OSBPL11: variants seen among roughly 807,000 people sequenced by gnomAD.
OSBPL11 encodes the protein oxysterol-binding protein-related protein 11.
Under a neutral mutation model 84.4 loss-of-function variants are expected in OSBPL11, and 33 were observed. The ratio of observed to expected loss-of-function variants is 0.39; its 90% CI spans 0.30 to 0.52. The LOEUF (loss-of-function observed/expected upper bound fraction) is 0.52. Among genes scored for constraint, OSBPL11 ranks in the 20% least tolerant of loss-of-function variants. The pLI is 0.72. For synonymous variants in OSBPL11, 276 were observed against 310.2 expected (o/e 0.89, Z 1.16); for missense variants, 736 against 901.1 (o/e 0.82, Z 2.35).
Position 125,595,285 on chromosome 3 carries a change from C to T in OSBPL11, c.-485G>A, listed in dbSNP as rs1936666349. Among the ~76,000 whole-genome samples, 1 of 152,194 alleles carries T rather than the reference C, an allele frequency of 6.6e-6. No homozygotes were observed. The highest frequency in any genetic ancestry group is 2.1e-4 in the South Asian group (1 of 4,826). On this transcript the variant is annotated 5_prime_UTR_variant, in exon 1 of 13. Coordinates refer to ENST00000296220, the MANE Select transcript of OSBPL11 (RefSeq NM_022776.5). The stretch of plus-strand genomic sequence containing the variant: ...CGCTCGGCAGTTCCCGCCGCAGCCC[C>T]CGAGATACAGCCAGGGCCGGCGCGC...
At chr3:125,581,035 G>A (rs1037090047) in intron 2 of OSBPL11, among the ~76,000 whole-genome samples, 1 of 151,902 alleles carries the variant, frequency 6.6e-6, no homozygotes, top group Non-Finnish European at 1.5e-5. Context: ...ATTCTGATTT[G>A]GTTCTAGATT....
intron 8 of OSBPL11, among the ~76,000 whole-genome samples, chr3:125,553,315 G>T (rs9848230): frequency 0.13 from 20,156 of 152,072 alleles, 1,523 homozygotes; most frequent in African/African-American, 0.2. Context: ...TTAAATTGTA[G>T]ATGAATGACC....
intron 8 of OSBPL11, among the ~76,000 whole-genome samples, chr3:125,553,004 G>C (rs919011326): frequency 6.6e-6 from 1 of 151,930 alleles, no homozygotes; most frequent in Non-Finnish European, 1.5e-5. Context: ...TGTGGTCCCA[G>C]CTGCTCAGGA....
chr3:125,578,402 G>A (rs1171125079), intron 4 of OSBPL11, among the ~76,000 whole-genome samples: 2 of 152,078 alleles, frequency 1.3e-5, no homozygotes, highest in Admixed American at 6.6e-5. Flanking sequence ...AGTGGCTCCG[G>A]ATTTTTTATT....
At chr3:125,577,673 C>T (rs1047883005) in intron 4 of OSBPL11, among the ~76,000 whole-genome samples, 1 of 151,602 alleles carries the variant, frequency 6.6e-6, no homozygotes, top group African/African-American at 2.4e-5. Context: ...ACCAAAAATA[C>T]AAAAAATTAG....
chr3:125,589,726 T>C (rs1422245607), intron 1 of OSBPL11, among the ~76,000 whole-genome samples: 2 of 152,182 alleles, frequency 1.3e-5, no homozygotes, highest in African/African-American at 4.8e-5. Flanking sequence ...GCCAATCTCA[T>C]TTTCCCATCC....
chr3:125,564,444 G>A (rs1173046866), intron 6 of OSBPL11, among the ~76,000 whole-genome samples: 1 of 152,144 alleles, frequency 6.6e-6, no homozygotes, highest in Non-Finnish European at 1.5e-5. Flanking sequence ...GTCACATTTG[G>A]AGACCTGTCA....
chr3:125,533,568 T>C (rs983890579), intron 11 of OSBPL11, among the ~76,000 whole-genome samples: 1 of 152,162 alleles, frequency 6.6e-6, no homozygotes, highest in African/African-American at 2.4e-5. Context: ...AAAGGTTTCC[T>C]AACACATTTC....
At chr3:125,545,467 T>A (rs1213459090) in intron 10 of OSBPL11, among the ~76,000 whole-genome samples, 2 of 152,246 alleles carry the variant, frequency 1.3e-5, no homozygotes, top group African/African-American at 4.8e-5. Context: ...CTATTACATA[T>A]GAGTTTTTCC....
chr3:125,550,116 G>A (rs1935878021), intron 9 of OSBPL11, among the ~76,000 whole-genome samples: 1 of 152,144 alleles, frequency 6.6e-6, no homozygotes, highest in Admixed American at 6.6e-5. Context: ...GCTCACAACT[G>A]TAATCCCAGA....
chr3:125,563,793 T>C lies in OSBPL11; in HGVS notation c.919A>G (p.Lys307Glu). Residue 307 changes from lysine to glutamate, a missense_variant, in exon 7 of 13, where the codon AAA (lysine) becomes GAA (glutamate). Physicochemically the swap from Lys to Glu is moderately conservative, Grantham distance 56. Transcript: ENST00000296220. ...GCAAAGGGCTGGTCAGCTCCATTTT[T>C]ATAGTGGTTTGATAAAGATATCTTT... ...EPKISLSNHYKNGADQPFATD... is the reference protein window; with the variant it reads ...EPKISLSNHYENGADQPFATD... 6.2e-7 allele frequency: 1 copy of C among 1,614,208 alleles called. No homozygotes were observed. The highest frequency in any genetic ancestry group is 8.5e-7 in the Non-Finnish European group (1 of 1,180,030).
rs753936472 is a variant in OSBPL11, at chr3:125,560,368, C to T, written c.1155+11G>A. 35 of 1,526,168 alleles carry T rather than the reference C, an allele frequency of 2.3e-5. No homozygotes were observed. Among genetic ancestry groups the T allele is most frequent in the Non-Finnish European group, 2.8e-5 (32 of 1,126,876 alleles). 94.5% of individuals were successfully genotyped at this position (1,526,168 alleles called of 1,614,324 possible). A position where few individuals can be genotyped will look rare whatever the true frequency, so the allele number is the denominator to read the frequency against. On this transcript the variant is annotated intron_variant, in intron 8 of 12. Transcript: ENST00000296220. ...TAACAATCTCCATAGCCAGCTTATGCCATTACTTACTCTTGTTAAATCCAT... is the reference window on the plus strand; with the variant it reads ...TAACAATCTCCATAGCCAGCTTATGTCATTACTTACTCTTGTTAAATCCAT...
intron 8 of OSBPL11, among the ~76,000 whole-genome samples, chr3:125,559,793 G>A (rs950359884): frequency 6.6e-6 from 1 of 152,056 alleles, no homozygotes; most frequent in African/African-American, 2.4e-5. Context: ...CTCCTGAGAC[G>A]GGTTTCACCT....
chr3:125,552,322 C>A lies in OSBPL11; in HGVS notation c.1513G>T (p.Val505Phe). ...GGATGATGAGAAACCTGCTCAGCAACAAATCTGACTGTGTAACAGTCTGAT... is the reference window on the plus strand; with the variant it reads ...GGATGATGAGAAACCTGCTCAGCAAAAAATCTGACTGTGTAACAGTCTGAT... ...VGSDCYTVRF[V>F]AEQVSHHPPV... is the part of the protein sequence containing the mutation. The change falls in exon 9 of 13, where the codon GTT (valine) becomes TTT (phenylalanine). Residue 505 changes from valine (V) to phenylalanine (F), a missense_variant. Val to Phe is a conservative substitution (Grantham distance 50). Coordinates refer to ENST00000296220, the MANE Select transcript of OSBPL11 (RefSeq NM_022776.5). 2 of 1,614,076 alleles carry A rather than the reference C, an allele frequency of 1.2e-6. No individual in the cohort carries two copies. Among genetic ancestry groups the A allele is most frequent in the Non-Finnish European group, 1.7e-6 (2 of 1,180,024 alleles).
At chr3:125,570,567 CTGTG>C in intron 5 of OSBPL11, among the ~76,000 whole-genome samples, 2 of 152,096 alleles carry the variant, frequency 1.3e-5, no homozygotes, top group African/African-American at 2.4e-5. Context: ...TCTTGAATTT[CTGTG>C]TGTTGTGGGA....
At chr3:125,537,471 C>T (rs911141830) in intron 11 of OSBPL11, among the ~76,000 whole-genome samples, 1 of 152,186 alleles carries the variant, frequency 6.6e-6, no homozygotes, top group Non-Finnish European at 1.5e-5. Flanking sequence ...AAGGACCCAA[C>T]AGGGGTCTGC....
chr3:125,591,190 T>C (rs557598970), intron 1 of OSBPL11, among the ~76,000 whole-genome samples: 5 of 152,344 alleles, frequency 3.3e-5, no homozygotes, highest in Non-Finnish European at 5.9e-5. Flanking sequence ...ACCAGATACA[T>C]AATTTGACTC....
rs780140093 is a variant in OSBPL11 at position 125,538,419 on chromosome 3, C to T, written c.2024+32G>A. On this transcript the variant is annotated intron_variant, in intron 11 of 12. Transcript: ENST00000296220. ...TTAGATTAAGATGCAGAGCATCTGA[C>T]TCTTTCCTGGATAGATGCAAGGATG... 2.5e-6 allele frequency: 4 copies of T among 1,595,034 alleles called. No homozygotes were observed. The South Asian group carries it at 4.6e-5, about 18-fold the overall frequency.
In OSBPL11 at chr3:125,542,097, T is replaced by A. The variant is rs188105197; in HGVS notation, c.1842-3464A>T. ...ACAGGACAAAGGGAAATTGAGAAAA[T>A]AACCCGAAGAAATAAAATTCTGCTC... On this transcript the variant is annotated intron_variant, in intron 10 of 12. Coordinates refer to ENST00000296220, the MANE Select transcript of OSBPL11 (RefSeq NM_022776.5). Among the ~76,000 whole-genome samples the A allele has an allele frequency of 2.0e-4, 31 of 152,232 alleles. No individual in the cohort carries two copies. In the East Asian group the frequency reaches 4.1e-3, roughly 20 times the overall value.
Sources: gnomAD v4.1 joint callset for allele counts (sites outside exome capture counted in the v4.1 genomes callset) on GRCh38, gnomAD v4.1.1 for gene constraint, MANE v1.5 for transcripts, NCBI Gene and HGNC (gene_info 2026-07-23, HGNC 2026-07-21) for gene names.